Variants in TMEM101 observed in about 807,000 individuals in gnomAD.
The protein encoded by TMEM101 is transmembrane protein 101, also known as putative NF-kappa-B-activating protein 130.
Under a neutral mutation model 26.0 loss-of-function variants are expected in TMEM101, and 14 were observed. The ratio of observed to expected loss-of-function variants is 0.54; its 90% CI spans 0.36 to 0.84. The LOEUF (loss-of-function observed/expected upper bound fraction) is 0.84. Ranked by LOEUF, TMEM101 falls within the 40% of genes least tolerant of loss-of-function variation. The probability of loss-of-function intolerance (pLI) is 0.01; values close to 1 mark genes in which losing one functional copy is unlikely to be tolerated. For missense variants in TMEM101, 292 were observed against 345.1 expected (o/e 0.85, Z 1.22); for synonymous variants, 152 against 145.1 (o/e 1.05, Z -0.34).
At chr17:44,017,230 G>C (rs969968197), upstream of TMEM101, among the ~76,000 whole-genome samples, 3 of 151,732 alleles carry the variant, frequency 2.0e-5, no homozygotes, top group South Asian at 2.1e-4. Context: ...GAGGCCAAGT[G>C]GGGGGTTGGA....
At chr17:44,014,985 CCAGT>C, upstream of TMEM101, 3 of 1,572,856 alleles carry the variant, frequency 1.9e-6, no homozygotes, top group South Asian at 2.3e-5. Flanking sequence ...CGGCCTCACC[CCAGT>C]CAGAGAAGCA....
intron 1 of TMEM101, among the ~76,000 whole-genome samples, chr17:44,022,800 T>A (rs1567950223): frequency 6.6e-6 from 1 of 152,162 alleles, no homozygotes; most frequent in Non-Finnish European, 1.5e-5. Context: ...GGCATGCTTT[T>A]TCTTTCGGAT....
Position 44,012,190 on chromosome 17 carries a change from T to C in TMEM101, c.512A>G (p.Asn171Ser). ...HSKEDRLAYL[N>S]HLPGGELMIQ... ...CATCAGCTCCCCTCCTGGGAGATGG[T>C]TCAGATACGCCAGCCGGTCCTCCTT... Residue 171 changes from asparagine to serine, a missense_variant, in exon 4 of 4, where the codon AAC becomes AGC. This residue lies in a region of TMEM101 where 149 missense variants were observed against 211.9 expected (regional missense o/e 0.70). Coordinates refer to ENST00000206380, the MANE Select transcript of TMEM101 (RefSeq NM_032376.4). The C allele has an allele frequency of 6.2e-7, 1 of 1,614,090 alleles. No homozygotes were observed. Among genetic ancestry groups the C allele is most frequent in the South Asian group, 1.1e-5 (1 of 91,080 alleles).
At chr17:44,014,237 T>A in intron 2 of TMEM101, 120 bp downstream of exon 2, 1 of 1,245,936 alleles carries the variant, frequency 8.0e-7, no homozygotes, top group Middle Eastern at 2.9e-4. Context: ...GGTTCGAACC[T>A]CCCAGGCTTC....
chr17:44,019,583 T>G (rs140125388), upstream of TMEM101: 1 of 158,362 alleles, frequency 6.3e-6, no homozygotes, highest in African/African-American at 2.4e-5. Context: ...AAATAGAGAT[T>G]TATCTGAAAC....
chr17:44,019,238 C>T (rs556599401), upstream of TMEM101: 678 of 360,608 alleles, frequency 1.9e-3, 1 homozygote, highest in Admixed American at 2.4e-3. Context: ...TTATACTCAC[C>T]AGACTATGGA....
intron 2 of TMEM101, among the ~76,000 whole-genome samples, chr17:44,013,649 A>G (rs7221101): frequency 0.021 from 3,251 of 151,746 alleles, 139 homozygotes; most frequent in African/African-American, 0.075. Flanking sequence ...ACGGAGAGAG[A>G]CTCTGTTTCA....
At position 44,014,545 on chromosome 17, in the gene TMEM101, C is replaced by T. The variant is rs375378011; in HGVS notation, c.138-8G>A. On this transcript the variant is annotated splice_polypyrimidine_tract_variant and splice_region_variant and intron_variant, in intron 1 of 3. Coordinates refer to ENST00000206380, the MANE Select transcript of TMEM101 (RefSeq NM_032376.4). ...ACTGGGATGTCGGGCTTCCTGCGAG[C>T]CGGGAGTGGGGAAGCAACGAGGACA... 10 of 1,567,876 alleles carry T rather than the reference C, an allele frequency of 6.4e-6. No homozygotes were observed. Among genetic ancestry groups the T allele is most frequent in the Non-Finnish European group, 8.7e-6 (10 of 1,153,952 alleles).
At chr17:44,020,866 T>C (rs2049278141) in intron 2 of TMEM101, among the ~76,000 whole-genome samples, 1 of 152,226 alleles carries the variant, frequency 6.6e-6, no homozygotes, top group South Asian at 2.1e-4. Flanking sequence ...CTGACTGCAG[T>C]TGGCTTCTAT....
At chr17:44,012,884 G>A in intron 3 of TMEM101, 125 bp downstream of exon 3, 1 of 1,112,470 alleles carries the variant, frequency 9.0e-7, no homozygotes, top group Non-Finnish European at 1.2e-6. Flanking sequence ...AATTCCCAGG[G>A]AACTGGGCCA....
At chr17:44,012,534 T>C (rs2049174609) in intron 3 of TMEM101, 3 of 431,504 alleles carry the variant, frequency 7.0e-6, no homozygotes, top group East Asian at 7.3e-5. Context: ...TACAGAGATA[T>C]ACTCGGTAAT....
chr17:44,016,232 G>A (rs149946636), upstream of TMEM101, among the ~76,000 whole-genome samples: 30 of 151,914 alleles, frequency 2.0e-4, no homozygotes, highest in Non-Finnish European at 4.0e-4. Context: ...GAGTGCAGTG[G>A]TGCGATCTTG....
chr17:44,014,585 G>C, intron 1 of TMEM101, 48 bp from the exon 2 acceptor site: 1 of 1,557,780 alleles, frequency 6.4e-7, no homozygotes, highest in Non-Finnish European at 8.7e-7. Flanking sequence ...GAAGCGGTGG[G>C]GGAAGAAGCT....
upstream of TMEM101, among the ~76,000 whole-genome samples, chr17:44,017,170 T>C: frequency 8.1e-6 from 1 of 124,082 alleles, no homozygotes; most frequent in East Asian, 2.3e-4. Flanking sequence ...AAAAAAAAAT[T>C]CCCACCAGGC....
chr17:44,021,652 C>T (rs2049286735), intron 1 of TMEM101, among the ~76,000 whole-genome samples: 1 of 152,230 alleles, frequency 6.6e-6, no homozygotes, highest in Non-Finnish European at 1.5e-5. Context: ...TGGCCTCCTC[C>T]TGAAGAGCTT....
upstream of TMEM101, among the ~76,000 whole-genome samples, chr17:44,015,486 T>C (rs908492581): frequency 6.6e-6 from 1 of 152,058 alleles, no homozygotes; most frequent in African/African-American, 2.4e-5. Context: ...CTCCGCAACC[T>C]GGGTTCAAGC....
At position 44,013,018 on chromosome 17, in the gene TMEM101, G is replaced by T. The variant is rs752690284; in HGVS notation, c.456C>A (p.Leu152=). ...STGQVFLGIY[L]ICVAYSLQHS... Reference sequence around the variant, plus strand: ...CAGTCCCCCAACATACCACACAGATGAGGTAGATACCCAGGAACACCTGGC... The same window carrying T: ...CAGTCCCCCAACATACCACACAGATTAGGTAGATACCCAGGAACACCTGGC... Residue 152 remains leucine, a synonymous_variant, in exon 3 of 4, where the codon CTC becomes CTA. Transcript: ENST00000206380. The T allele has an allele frequency of 1.9e-6, 3 of 1,599,824 alleles. No homozygotes were observed. The Admixed American group carries it at 5.1e-5, about 27-fold the overall frequency.
At chr17:44,020,826 G>A (rs1041342916) in intron 2 of TMEM101, among the ~76,000 whole-genome samples, 1 of 152,156 alleles carries the variant, frequency 6.6e-6, no homozygotes, top group African/African-American at 2.4e-5. Flanking sequence ...CATTCCCAGC[G>A]GCCTCTGGCA....
chr17:44,011,796 C>T lies in TMEM101; in HGVS notation c.*132G>A, dbSNP rs1036569553. The T allele has an allele frequency of 2.7e-6, 3 of 1,092,712 alleles. No homozygotes were observed. The highest frequency in any genetic ancestry group is 3.8e-6 in the Non-Finnish European group (3 of 781,492). The allele number at this position is 1,092,712 out of a possible 1,614,324, so 67.7% of individuals were successfully genotyped here. A position where few individuals can be genotyped will look rare whatever the true frequency, so the allele number is the denominator to read the frequency against. On this transcript the variant is annotated 3_prime_UTR_variant, in exon 4 of 4. Transcript: ENST00000206380. ...TGAGCTGCCTCTTAACTGCAAAAAACAATTTTAAAAAAGCAAAAGATCAAA... is the reference window on the plus strand; with the variant it reads ...TGAGCTGCCTCTTAACTGCAAAAAATAATTTTAAAAAAGCAAAAGATCAAA...
Sources: allele counts gnomAD v4.1 joint callset (sites outside exome capture counted in the v4.1 genomes callset), GRCh38; gene constraint gnomAD v4.1.1; regional missense constraint gnomAD v4.1.1; transcripts MANE v1.5; gene names NCBI Gene and HGNC (gene_info 2026-07-23, HGNC 2026-07-21).